CHD2: variants seen among roughly 807,000 people sequenced by gnomAD.
CHD2 encodes ATP-dependent chromatin remodeler CHD2.
Under a neutral mutation model 243.9 loss-of-function variants are expected in CHD2, and 28 were observed. That is an observed-to-expected ratio of 0.11 (90% CI 0.09 to 0.16). The LOEUF is 0.16. CHD2 is among the 10% of genes least tolerant of loss of function. The pLI is 1.00. For missense variants in CHD2, 1,386 were observed against 2,209.8 expected, an observed-to-expected ratio of 0.63 and a Z score of 7.47; for synonymous variants, 775 against 779.0, an observed-to-expected ratio of 0.99 and a Z score of 0.09.
chr15:92,973,466 T>C (rs1160319505), intron 19 of CHD2, among the ~76,000 whole-genome samples: 1 of 152,216 alleles, frequency 6.6e-6, no homozygotes, highest in Non-Finnish European at 1.5e-5. Flanking sequence ...TTCTACCAAC[T>C]CACATAATTA....
intron 2 of CHD2, among the ~76,000 whole-genome samples, chr15:92,910,549 T>C (rs1416247674): frequency 2.0e-5 from 3 of 151,988 alleles, no homozygotes; most frequent in African/African-American, 4.8e-5. Flanking sequence ...TTTGCCACCA[T>C]ACACCCAGCT....
At chr15:92,986,283 A>T (rs2054041475) in intron 26 of CHD2, among the ~76,000 whole-genome samples, 1 of 151,766 alleles carries the variant, frequency 6.6e-6, no homozygotes, top group Admixed American at 6.6e-5. Flanking sequence ...CTTACAAATT[A>T]TTTTTTTTCC....
At chr15:92,934,058 T>G (rs557416988) in intron 5 of CHD2, among the ~76,000 whole-genome samples, 15 of 152,212 alleles carry the variant, frequency 9.9e-5, no homozygotes, top group Admixed American at 4.0e-4. Flanking sequence ...GAAACAAAAG[T>G]AGCTACTTCC....
chr15:92,962,037 A>G (rs972838793), intron 16 of CHD2, among the ~76,000 whole-genome samples: 1 of 151,106 alleles, frequency 6.6e-6, no homozygotes. Flanking sequence ...ACCTGCCACC[A>G]CGCTTGGCTA....
intron 17 of CHD2, among the ~76,000 whole-genome samples, chr15:92,970,326 C>T (rs746197409): frequency 1.3e-5 from 2 of 152,056 alleles, no homozygotes; most frequent in Admixed American, 6.6e-5. Context: ...CTCAGCCTCC[C>T]GACTAGCTGG....
intron 2 of CHD2, among the ~76,000 whole-genome samples, chr15:92,909,827 A>G (rs1279663383): frequency 6.6e-6 from 1 of 151,886 alleles, no homozygotes; most frequent in Non-Finnish European, 1.5e-5. Flanking sequence ...TTCACTTTGG[A>G]TTTTATCAGG....
intron 16 of CHD2, among the ~76,000 whole-genome samples, chr15:92,966,676 C>G (rs142316460): frequency 2.0e-5 from 3 of 151,786 alleles, no homozygotes; most frequent in Non-Finnish European, 4.4e-5. Context: ...TTTGGGAGGC[C>G]GAGGCAGGCG....
rs985491826 is a variant in CHD2 at position 93,026,033 on chromosome 15, A to T, written c.*1328A>T. On this transcript the variant is annotated 3_prime_UTR_variant, in exon 39 of 39. Transcript: ENST00000394196. ...GTGACTTGAGCTATAGATAGTAAAA[A>T]TCATACGAGAGTTGAACTGAGTCAG... 1 of 152,694 alleles carries T rather than the reference A, an allele frequency of 6.5e-6. No homozygotes were observed. The highest frequency in any genetic ancestry group is 6.5e-5 in the Admixed American group (1 of 15,290). 9.5% of individuals were successfully genotyped at this position (152,694 alleles called of 1,614,324 possible).
chr15:92,965,581 A>AAAAAAAC (rs1567144580), intron 16 of CHD2, among the ~76,000 whole-genome samples: 4 of 38,524 alleles, frequency 1.0e-4, no homozygotes, highest in Non-Finnish European at 4.2e-4. Flanking sequence ...AAAAAAAAAA[A>AAAAAAAC]AAAAAAAAAA....
intron 2 of CHD2, chr15:92,904,646 A>C (rs2052586063): frequency 3.2e-6 from 4 of 1,260,906 alleles, no homozygotes; most frequent in Non-Finnish European, 4.0e-6. Context: ...ATCCTCTTTG[A>C]GAAGCGGCTG....
In CHD2 at chr15:92,985,503, G is replaced by A. The variant is rs1255470688; in HGVS notation, c.3243G>A (p.Gln1081=). The change falls in exon 26 of 39, where the codon CAG becomes CAA. Residue 1081 remains glutamine, a synonymous_variant. Coordinates refer to ENST00000394196, the MANE Select transcript of CHD2 (RefSeq NM_001271.4). ...TTTGCCTCGATCTTTCTCAGGCTCA[G>A]ACAAATGACAGTGACTCTGACACTG... ...PRIRSSTKKA[Q]TNDSDSDTES... The A allele has an allele frequency of 1.9e-6, 3 of 1,611,652 alleles. No homozygotes were observed. The highest frequency in any genetic ancestry group is 2.5e-6 in the Non-Finnish European group (3 of 1,178,492).
rs1412224406 is a variant in CHD2, at chr15:92,942,962, T to A, written c.946T>A (p.Tyr316Asn). Residue 316 changes from tyrosine to asparagine, a missense_variant, in exon 9 of 39, where the codon TAC becomes AAC. Transcript: ENST00000394196. Reference sequence around the variant, plus strand: ...CCTCATCAAGTGGAAGGGTTGGTCTTACATCCACAGCACATGGGAGAGTGA... The same window carrying A: ...CCTCATCAAGTGGAAGGGTTGGTCTAACATCCACAGCACATGGGAGAGTGA... ...QYLIKWKGWS[Y>N]IHSTWESEES... 1 of 1,613,938 alleles carries A rather than the reference T, an allele frequency of 6.2e-7. No individual in the cohort carries two copies. Among genetic ancestry groups the A allele is most frequent in the Non-Finnish European group, 8.5e-7 (1 of 1,179,972 alleles).
intron 3 of CHD2, among the ~76,000 whole-genome samples, chr15:92,926,910 G>A (rs1409570761): frequency 2.0e-5 from 3 of 152,166 alleles, no homozygotes; most frequent in Non-Finnish European, 1.5e-5. Context: ...AAAGCAGTAG[G>A]GAATTTAAAA....
At chr15:92,972,087 T>C (rs553297741) in intron 18 of CHD2, among the ~76,000 whole-genome samples, 160 bp downstream of exon 18, 1 of 152,286 alleles carries the variant, frequency 6.6e-6, no homozygotes, top group Admixed American at 6.5e-5. Flanking sequence ...ATTTGGAAAG[T>C]AAAGTATAGT....
chr15:92,992,219 G>C (rs2054128911), intron 27 of CHD2, among the ~76,000 whole-genome samples: 1 of 152,216 alleles, frequency 6.6e-6, no homozygotes, highest in South Asian at 2.1e-4. Flanking sequence ...AGGAGGTAGT[G>C]ATGTGTAGCA....
At chr15:92,915,075 G>A (rs959854363) in intron 2 of CHD2, 15 of 152,098 alleles carry the variant, frequency 9.9e-5, no homozygotes, top group Non-Finnish European at 2.2e-4. Flanking sequence ...TAGGAGCTCG[G>A]TCCAAATTAG....
At chr15:93,017,780 C>T (rs2054483003) in intron 37 of CHD2, among the ~76,000 whole-genome samples, 1 of 152,128 alleles carries the variant, frequency 6.6e-6, no homozygotes, top group Non-Finnish European at 1.5e-5. Context: ...ATTATTTCAT[C>T]ACCATTTTGT....
At chr15:93,005,660 G>T (rs749897851) in intron 34 of CHD2, among the ~76,000 whole-genome samples, 1 of 152,034 alleles carries the variant, frequency 6.6e-6, no homozygotes, top group Non-Finnish European at 1.5e-5. Flanking sequence ...ACCTATACAC[G>T]TATGTATATA....
Position 93,026,589 on chromosome 15 carries a change from T to C in CHD2, c.*1884T>C, listed in dbSNP as rs2054588218. 2 of 152,256 alleles carry C rather than the reference T, an allele frequency of 1.3e-5. No individual in the cohort carries two copies. Among genetic ancestry groups the C allele is most frequent in the East Asian group, 3.8e-4 (2 of 5,196 alleles). The allele number at this position is 152,256 out of a possible 1,614,324, so 9.4% of individuals were successfully genotyped here. A position where few individuals can be genotyped will look rare whatever the true frequency, so the allele number is the denominator to read the frequency against. ...TGTCCTGAAGCAAAGCTCCGGTGAC[T>C]GCATGAGCCACCTGGCCACAGTCCT... On this transcript the variant is annotated 3_prime_UTR_variant, in exon 39 of 39. Transcript: ENST00000394196.
Sources: gnomAD v4.1 joint callset for allele counts (sites outside exome capture counted in the v4.1 genomes callset) on GRCh38, gnomAD v4.1.1 for gene constraint, MANE v1.5 for transcripts, NCBI Gene and HGNC (gene_info 2026-07-23, HGNC 2026-07-21) for gene names.